MS4A6A: variants seen among roughly 807,000 people sequenced by gnomAD.
MS4A6A encodes the protein membrane spanning 4-domains A6A, also known as membrane-spanning 4-domains subfamily A member 6A.
A neutral mutation model predicts 20.6 loss-of-function variants in MS4A6A; 19 were observed. The observed-to-expected ratio is 0.92, with a 90% CI of 0.64 to 1.36. The LOEUF (loss-of-function observed/expected upper bound fraction) is 1.36, where lower values mean the gene tolerates loss of function less well. Among genes scored for constraint, MS4A6A ranks in the 40% most tolerant of loss-of-function variants. MS4A6A has a pLI of 0.00. For missense variants in MS4A6A, 272 were observed against 261.1 expected (o/e 1.04, Z -0.29); for synonymous variants, 108 against 105.0 (o/e 1.03, Z -0.17).
Position 60,179,945 on chromosome 11 carries a change from G to A in MS4A6A, c.168C>T (p.Gly56=), listed in dbSNP as rs1485823649. The change falls in exon 3 of 6, where the codon GGC becomes GGT. Residue 56 remains glycine, a synonymous_variant. Coordinates refer to ENST00000528851, the MANE Select transcript of MS4A6A (RefSeq NM_022349.4). ...KVIGTIQILC[G]MMVLSLGIIL... The stretch of plus-strand genomic sequence containing the variant: ...TGATCCCCAAGCTCAATACCATCAT[G>A]CCACACAAGATCTGGATAGTCTGTG... 1.4e-5 allele frequency: 22 copies of A among 1,613,992 alleles called. No individual in the cohort carries two copies. In the Admixed American group the frequency reaches 3.7e-4, roughly 27 times the overall value.
Position 60,179,907 on chromosome 11 carries a change from G to T in MS4A6A, c.206C>A (p.Ala69Asp), listed in dbSNP as rs185080144. 1.9e-6 allele frequency: 3 copies of T among 1,613,790 alleles called. No homozygotes were observed. In the East Asian group the frequency reaches 6.7e-5, roughly 36 times the overall value. ...VLSLGIILAS[A>D]SFSPNFTQVT... ...TTGGGTAAAATTTGGAGAGAAGGAA[G>T]CAGATGCCAAAATGATCCCCAAGCT... Residue 69 changes from alanine (A) to aspartate (D), a missense_variant, in exon 3 of 6, where the codon GCT becomes GAT. Coordinates refer to ENST00000528851, the MANE Select transcript of MS4A6A (RefSeq NM_022349.4).
At chr11:60,178,966 A>G (rs995137629) in intron 3 of MS4A6A, 2 of 280,264 alleles carry the variant, frequency 7.1e-6, no homozygotes, top group African/African-American at 4.6e-5. Flanking sequence ...CTGAGGAGAC[A>G]TCATGACAAA....
At chr11:60,181,550 C>A (rs557184861) in intron 2 of MS4A6A, 31 bp downstream of exon 2, 1 of 1,612,996 alleles carries the variant, frequency 6.2e-7, no homozygotes, top group East Asian at 2.2e-5. Flanking sequence ...TTCCCCCAAC[C>A]CCTCTCCAAC....
In MS4A6A at chr11:60,178,376, C is replaced by G; in HGVS notation, c.283-60G>C. 5 of 1,366,642 alleles carry G rather than the reference C, an allele frequency of 3.7e-6. 1 individual carries two copies. The South Asian group carries it at 5.9e-5, about 16-fold the overall frequency. The allele number at this position is 1,366,642 out of a possible 1,614,324, so 84.7% of individuals were successfully genotyped here. On this transcript the variant is annotated intron_variant, in intron 3 of 5. Transcript: ENST00000528851. Reference sequence around the variant, plus strand: ...CATGTACAGAGTACCTTCGACGTCACTATCACAATGTTTATAGACAACTCT... The same window carrying G: ...CATGTACAGAGTACCTTCGACGTCAGTATCACAATGTTTATAGACAACTCT...
In MS4A6A at chr11:60,175,482, G is replaced by T; in HGVS notation, c.469C>A (p.Pro157Thr). The change falls in exon 5 of 6, where the codon CCA (proline) becomes ACA (threonine). Residue 157 changes from proline to threonine, a missense_variant. Physicochemically the swap from Pro to Thr is conservative, Grantham distance 38. Coordinates refer to ENST00000528851, the MANE Select transcript of MS4A6A (RefSeq NM_022349.4). Reference sequence around the variant, plus strand: ...AAGTAAGAAACATAACTTCTTGTTGGTATATTATTTTTGTCCAACTCACAC... The same window carrying T: ...AAGTAAGAAACATAACTTCTTGTTGTTATATTATTTTTGTCCAACTCACAC... ...LQCELDKNNIPTRSYVSYFYH... is the reference protein window; with the variant it reads ...LQCELDKNNITTRSYVSYFYH... The T allele has an allele frequency of 3.7e-6, 6 of 1,614,106 alleles. No homozygotes were observed. The highest frequency in any genetic ancestry group is 5.1e-6 in the Non-Finnish European group (6 of 1,179,978).
At position 60,172,554 on chromosome 11, in the gene MS4A6A, C is replaced by G. The variant is rs1856632804; in HGVS notation, c.*447G>C. 4 of 1,126,738 alleles carry G rather than the reference C, an allele frequency of 3.6e-6. No individual in the cohort carries two copies. The highest frequency in any genetic ancestry group is 4.4e-6 in the Non-Finnish European group (4 of 917,908). The allele number at this position is 1,126,738 out of a possible 1,614,324, so 69.8% of individuals were successfully genotyped here. A position where few individuals can be genotyped will look rare whatever the true frequency, so the allele number is the denominator to read the frequency against. On this transcript the variant is annotated 3_prime_UTR_variant, in exon 6 of 6. Transcript: ENST00000528851. The stretch of plus-strand genomic sequence containing the variant: ...TAAAAAGGCAAACGAATTTTAAGAT[C>G]ACCAGGGGCAAATGCAGAGCATAAG...
rs372443191 is a variant in MS4A6A, at chr11:60,175,367, C to G, written c.549+35G>C. On this transcript the variant is annotated intron_variant, in intron 5 of 5. Transcript: ENST00000528851. ...AAGAAATCAAGGCTTTTGAATACCTCATAAGATTAGAACATCCCATCTAAA... is the reference window on the plus strand; with the variant it reads ...AAGAAATCAAGGCTTTTGAATACCTGATAAGATTAGAACATCCCATCTAAA... The G allele has an allele frequency of 2.6e-6, 4 of 1,513,148 alleles. No homozygotes were observed. The African/African-American group carries it at 5.5e-5, about 21-fold the overall frequency. 93.7% of individuals were successfully genotyped at this position (1,513,148 alleles called of 1,614,324 possible).
At chr11:60,178,820 C>T (rs1320707682) in intron 3 of MS4A6A, 1 of 434,608 alleles carries the variant, frequency 2.3e-6, no homozygotes, top group East Asian at 7.3e-5. Flanking sequence ...AAAAATTCAT[C>T]ACCATACTCT....
chr11:60,176,578 C>G (rs914058023), intron 4 of MS4A6A, among the ~76,000 whole-genome samples: 2 of 152,132 alleles, frequency 1.3e-5, no homozygotes, highest in African/African-American at 4.8e-5. Flanking sequence ...CACAGCCATA[C>G]AGTAGAATGT....
intron 2 of MS4A6A, 79 bp from the exon 3 acceptor site, chr11:60,180,044 T>C: frequency 7.2e-7 from 1 of 1,381,522 alleles, no homozygotes; most frequent in South Asian, 1.3e-5. Context: ...CCCATGGCAC[T>C]AATGCATTAT....
chr11:60,172,408 C>G, downstream of MS4A6A: 2 of 1,387,600 alleles, frequency 1.4e-6, no homozygotes, highest in Non-Finnish European at 9.3e-7. Flanking sequence ...CAATTTATCA[C>G]CCTAGTATTC....
chr11:60,179,108 A>G (rs1856995889), intron 3 of MS4A6A, among the ~76,000 whole-genome samples: 1 of 152,238 alleles, frequency 6.6e-6, no homozygotes, highest in African/African-American at 2.4e-5. Context: ...CAAGATACAC[A>G]AAAAGGTGGA....
chr11:60,178,641 A>G (rs1023423849), intron 3 of MS4A6A, among the ~76,000 whole-genome samples: 1 of 152,090 alleles, frequency 6.6e-6, no homozygotes, highest in Non-Finnish European at 1.5e-5. Flanking sequence ...CTAGGGAAGG[A>G]CATAAAAGCA....
intron 4 of MS4A6A, chr11:60,178,024 G>C: frequency 2.0e-6 from 1 of 499,894 alleles, no homozygotes; most frequent in Non-Finnish European, 3.5e-6. Flanking sequence ...CTTCGGCATG[G>C]GCAGAGGGAA....
intron 3 of MS4A6A, among the ~76,000 whole-genome samples, chr11:60,179,215 C>T (rs1857000902): frequency 6.6e-6 from 1 of 152,108 alleles, no homozygotes; most frequent in Non-Finnish European, 1.5e-5. Context: ...GGAAACTTAC[C>T]TATGAGAAAG....
chr11:60,181,535 G>T, intron 2 of MS4A6A, 46 bp downstream of exon 2: 1 of 1,607,230 alleles, frequency 6.2e-7, no homozygotes, highest in East Asian at 2.2e-5. Context: ...ATCATCTCTT[G>T]GCACTTCCCC....
At position 60,180,055 on chromosome 11, in the gene MS4A6A, C is replaced by T. The variant is rs868512640; in HGVS notation, c.148-90G>A. On this transcript the variant is annotated intron_variant, in intron 2 of 5. Transcript: ENST00000528851. ...CGCTCCCATGGCACTAATGCATTATCGCCTTCTGCAAGATCCTAATGAGGA... is the reference window on the plus strand; with the variant it reads ...CGCTCCCATGGCACTAATGCATTATTGCCTTCTGCAAGATCCTAATGAGGA... The T allele has an allele frequency of 1.8e-4, 238 of 1,287,430 alleles. 2 individuals are homozygous for T. The Middle Eastern group carries it at 2.1e-3, about 11-fold the overall frequency. The allele number at this position is 1,287,430 out of a possible 1,614,324, so 79.8% of individuals were successfully genotyped here. A position where few individuals can be genotyped will look rare whatever the true frequency, so the allele number is the denominator to read the frequency against.
chr11:60,172,826 A>G lies in MS4A6A; in HGVS notation c.*175T>C. 1 of 1,402,328 alleles carries G rather than the reference A, an allele frequency of 7.1e-7. No individual in the cohort carries two copies. Among genetic ancestry groups the G allele is most frequent in the Non-Finnish European group, 9.3e-7 (1 of 1,074,878 alleles). 86.9% of individuals were successfully genotyped at this position (1,402,328 alleles called of 1,614,324 possible). ...TGATTTCTCATGATTAACTATTTTCATATCCAGTGAATTTTCAGCTTATCA... is the reference window on the plus strand; with the variant it reads ...TGATTTCTCATGATTAACTATTTTCGTATCCAGTGAATTTTCAGCTTATCA... On this transcript the variant is annotated 3_prime_UTR_variant, in exon 6 of 6. Transcript: ENST00000528851.
intron 3 of MS4A6A, among the ~76,000 whole-genome samples, chr11:60,179,251 C>G (rs1857002465): frequency 6.6e-6 from 1 of 152,222 alleles, no homozygotes; most frequent in Admixed American, 6.5e-5. Context: ...AAGCAGTTCT[C>G]TGAGGAAAGG....
Sources: allele counts gnomAD v4.1 joint callset (sites outside exome capture counted in the v4.1 genomes callset), GRCh38; gene constraint gnomAD v4.1.1; transcripts MANE v1.5; gene names NCBI Gene and HGNC (gene_info 2026-07-23, HGNC 2026-07-21).